REEP2: variants seen among roughly 807,000 people sequenced by gnomAD.
REEP2 encodes the protein receptor accessory protein 2.
A neutral mutation model predicts 32.1 loss-of-function variants in REEP2; 9 were observed. That is an observed-to-expected ratio of 0.28 (90% CI 0.17 to 0.49). The LOEUF (loss-of-function observed/expected upper bound fraction) is 0.49, where lower values mean the gene tolerates loss of function less well. REEP2 is among the 20% of genes least tolerant of loss of function. The pLI is 0.99. For missense variants in REEP2, 236 were observed against 338.0 expected (o/e 0.70, Z 2.37); for synonymous variants, 128 against 139.1 (o/e 0.92, Z 0.56).
chr5:138,442,860 CAA>C (rs71574416), intron 3 of REEP2, among the ~76,000 whole-genome samples: 203 of 119,492 alleles, frequency 1.7e-3, no homozygotes, highest in East Asian at 1.7e-3. Context: ...GATTCTGTCT[CAA>C]AAAAAAAAAA....
intron 3 of REEP2, among the ~76,000 whole-genome samples, chr5:138,442,471 G>A (rs1245855903): frequency 1.3e-5 from 2 of 151,988 alleles, no homozygotes; most frequent in East Asian, 1.9e-4. Context: ...CCAGCACTTT[G>A]GGAGGCCAAG....
rs1763941584 is a variant in REEP2 at position 138,446,707 on chromosome 5, C to CCT, written c.*959_*960dup. Reference sequence around the variant, plus strand: ...AGGCCCCTGCTGAGTGGGCCCCTCTCCTCTGCCCCTGGGGTCCATCCCCTC... The same window carrying CCT: ...AGGCCCCTGCTGAGTGGGCCCCTCTCCTCTCTGCCCCTGGGGTCCATCCCCTC... On this transcript the variant is annotated 3_prime_UTR_variant, in exon 8 of 8. Transcript: ENST00000378339. 6.5e-6 allele frequency: 1 copy of CCT among 152,684 alleles called. No individual in the cohort carries two copies. The highest frequency in any genetic ancestry group is 2.1e-4 in the South Asian group (1 of 4,840). 9.5% of individuals were successfully genotyped at this position (152,684 alleles called of 1,614,324 possible).
In REEP2 at chr5:138,445,999, GTGGGGACTGCTCGGCCTCCACCGC is replaced by G. The variant is rs1763924685; in HGVS notation, c.*251_*274del. On this transcript the variant is annotated 3_prime_UTR_variant, in exon 8 of 8. Transcript: ENST00000378339. Reference sequence around the variant, plus strand: ...GCTGAGGACTGAGCCACCCAAGGAGGTGGGGACTGCTCGGCCTCCACCGCTGTTCCGCTGCAGCCCCGCCCTGCC... The same window carrying G: ...GCTGAGGACTGAGCCACCCAAGGAGGTGTTCCGCTGCAGCCCCGCCCTGCC... The G allele has an allele frequency of 5.6e-6, 3 of 536,044 alleles. No individual in the cohort carries two copies. The highest frequency in any genetic ancestry group is 6.9e-5 in the Admixed American group (2 of 28,972). The allele number at this position is 536,044 out of a possible 1,614,324, so 33.2% of individuals were successfully genotyped here. A position where few individuals can be genotyped will look rare whatever the true frequency, so the allele number is the denominator to read the frequency against.
Position 138,446,103 on chromosome 5 carries a change from G to A in REEP2, c.*352G>A, listed in dbSNP as rs4835795. The A allele has an allele frequency of 0.97, 248,710 of 255,636 alleles. 121,368 individuals carry two copies. Among genetic ancestry groups the A allele is most frequent in the East Asian group, 1 (12,004 of 12,004 alleles). 15.8% of individuals were successfully genotyped at this position (255,636 alleles called of 1,614,324 possible). A position where few individuals can be genotyped will look rare whatever the true frequency, so the allele number is the denominator to read the frequency against. On this transcript the variant is annotated 3_prime_UTR_variant, in exon 8 of 8. Coordinates refer to ENST00000378339, the MANE Select transcript of REEP2 (RefSeq NM_001271803.2). ...TAGCAATCCGCTTCTCAGAGGTCCTGTCGTGTTTCCACTGCTCGCCTTGGT... is the reference window on the plus strand; with the variant it reads ...TAGCAATCCGCTTCTCAGAGGTCCTATCGTGTTTCCACTGCTCGCCTTGGT...
At chr5:138,443,204 A>G (rs565545541) in intron 3 of REEP2, among the ~76,000 whole-genome samples, 23 of 152,220 alleles carry the variant, frequency 1.5e-4, no homozygotes, top group African/African-American at 5.3e-4. Context: ...TCATGCCCAT[A>G]ATCACAGCAC....
rs1300540872 is a variant in REEP2, at chr5:138,446,371, A to T, written c.*620A>T. 6.5e-6 allele frequency: 1 copy of T among 153,048 alleles called. No homozygotes were observed. Among genetic ancestry groups the T allele is most frequent in the Admixed American group, 6.5e-5 (1 of 15,356 alleles). 9.5% of individuals were successfully genotyped at this position (153,048 alleles called of 1,614,324 possible). On this transcript the variant is annotated 3_prime_UTR_variant, in exon 8 of 8. Transcript: ENST00000378339. ...GCTGAGTGCCACATGTTCCCACATT[A>T]AAAAGGGGGGTCCAGGGCTGTGTGA...
chr5:138,439,958 A>G, intron 1 of REEP2: 1 of 360,856 alleles, frequency 2.8e-6, no homozygotes, highest in Non-Finnish European at 5.5e-6. Context: ...CCCGGGCCCC[A>G]GGAGGGAACA....
Position 138,441,247 on chromosome 5 carries a change from C to T in REEP2, c.106-138C>T. ...GCCCTGGGTGTCCCACACAGCGCCT[C>T]CAACATGGCTGGCAGGCAGAAGTGG... On this transcript the variant is annotated intron_variant, in intron 2 of 7. Coordinates refer to ENST00000378339, the MANE Select transcript of REEP2 (RefSeq NM_001271803.2). The surrounding 1 kb of genome is among the most constrained non-coding windows in gnomAD (Gnocchi z 4.4). 7.9e-7 allele frequency: 1 copy of T among 1,264,820 alleles called. No homozygotes were observed. The highest frequency in any genetic ancestry group is 1.1e-6 in the Non-Finnish European group (1 of 873,970). 78.3% of individuals were successfully genotyped at this position (1,264,820 alleles called of 1,614,324 possible).
chr5:138,444,762 C>A lies in REEP2; in HGVS notation c.312C>A (p.Asp104Glu). The change falls in exon 5 of 8, where the codon GAC becomes GAA. Residue 104 changes from aspartate to glutamate, a missense_variant. By Grantham distance (45) the Asp-to-Glu change is conservative (BLOSUM62 2). Transcript: ENST00000378339. ...CCCCTCCAATCCCATAGGAGATCGA[C>A]GAGTACATCACGCAGGCCCGAGACA... ...PTLSNKEKEI[D>E]EYITQARDKS... The A allele has an allele frequency of 6.2e-7, 1 of 1,613,822 alleles. No individual in the cohort carries two copies. The highest frequency in any genetic ancestry group is 8.5e-7 in the Non-Finnish European group (1 of 1,179,752).
chr5:138,440,758 T>C (rs777954827), intron 1 of REEP2, among the ~76,000 whole-genome samples: 1 of 152,150 alleles, frequency 6.6e-6, no homozygotes, highest in African/African-American at 2.4e-5. Context: ...AGGGACTACA[T>C]TGGACCCTCT....
chr5:138,441,372 C>G lies in REEP2; in HGVS notation c.106-13C>G. 1 of 1,613,742 alleles carries G rather than the reference C, an allele frequency of 6.2e-7. No homozygotes were observed. The highest frequency in any genetic ancestry group is 1.1e-5 in the South Asian group (1 of 91,088). ...GCCCCGTGCCCCAGCCAGCGCTTCC[C>G]TCTGTCCCTCAGGTGAAATGGATGA... is the stretch of plus-strand genomic sequence containing the variant. On this transcript the variant is annotated splice_polypyrimidine_tract_variant and intron_variant, in intron 2 of 7. Transcript: ENST00000378339. The surrounding 1 kb of genome is among the most constrained non-coding windows in gnomAD (Gnocchi z 4.4).
In REEP2 at chr5:138,439,082, C is replaced by A. The variant is rs1213691851; in HGVS notation, c.-127C>A. The A allele has an allele frequency of 3.0e-6, 1 of 329,864 alleles. No homozygotes were observed. Among genetic ancestry groups the A allele is most frequent in the Non-Finnish European group, 4.8e-6 (1 of 209,898 alleles). The allele number at this position is 329,864 out of a possible 1,614,324, so 20.4% of individuals were successfully genotyped here. ...GGCGCTGGGCGCTCCGCTGCCCCCG[C>A]GGCGGCTGCTGCAGCGGCTGCTGCT... is the stretch of plus-strand genomic sequence containing the variant. On this transcript the variant is annotated 5_prime_UTR_variant, in exon 1 of 8. Transcript: ENST00000378339.
At chr5:138,439,785 G>A (rs1262582206) in intron 1 of REEP2, 1 of 455,748 alleles carries the variant, frequency 2.2e-6, no homozygotes, top group East Asian at 6.9e-5. Flanking sequence ...AGGAAGTCTG[G>A]GTATCGGGAA....
chr5:138,441,933 AAAAC>A lies in REEP2; in HGVS notation c.182+483_182+486del, dbSNP rs1295090339. On this transcript the variant is annotated intron_variant, in intron 3 of 7. Coordinates refer to ENST00000378339, the MANE Select transcript of REEP2 (RefSeq NM_001271803.2). The surrounding 1 kb of genome is among the most constrained non-coding windows in gnomAD (Gnocchi z 4.4). Reference sequence around the variant, plus strand: ...CAGAGTGAGACTCCGTCTCAAAAAAAAAACAAACAAACAAGGAGTAAGAACAAAC... The same window carrying A: ...CAGAGTGAGACTCCGTCTCAAAAAAAAAACAAACAAGGAGTAAGAACAAAC... Among the ~76,000 whole-genome samples, 34 of 152,286 alleles carry A rather than the reference AAAAC, an allele frequency of 2.2e-4. No individual in the cohort carries two copies. Among genetic ancestry groups the A allele is most frequent in the South Asian group, 6.2e-4 (3 of 4,830 alleles).
Position 138,444,487 on chromosome 5 carries a change from C to T in REEP2, c.255C>T (p.Ser85=), listed in dbSNP as rs373285211. Residue 85 remains serine, a synonymous_variant, in exon 4 of 8, where the codon AGC becomes AGT. Coordinates refer to ENST00000378339, the MANE Select transcript of REEP2 (RefSeq NM_001271803.2). The part of the protein sequence containing the change: ...WLLSPYTKGS[S]VLYRKFVHPT... ...TGTCCCCTTACACCAAGGGCTCCAG[C>T]GTGCTCTACCGCAAGTTCGTGCACC... 76 of 1,614,004 alleles carry T rather than the reference C, an allele frequency of 4.7e-5. No individual in the cohort carries two copies. The Admixed American group carries it at 4.8e-4, about 10-fold the overall frequency.
intron 1 of REEP2, chr5:138,439,749 G>A: frequency 2.2e-6 from 1 of 456,488 alleles, no homozygotes; most frequent in South Asian, 1.5e-5. Flanking sequence ...TGGGGACGAG[G>A]GCATATGCCC....
rs2127027954 is a variant in REEP2 at position 138,446,959 on chromosome 5, C to T, written c.*1208C>T. 2 of 152,368 alleles carry T rather than the reference C, an allele frequency of 1.3e-5. No individual in the cohort carries two copies. Among genetic ancestry groups the T allele is most frequent in the Admixed American group, 1.3e-4 (2 of 15,302 alleles). The allele number at this position is 152,368 out of a possible 1,614,324, so 9.4% of individuals were successfully genotyped here. Reference sequence around the variant, plus strand: ...GATGAGCCAATAAACCAAACTCTGGCACCTCATTTATTTTGGCCTCTGTGC... The same window carrying T: ...GATGAGCCAATAAACCAAACTCTGGTACCTCATTTATTTTGGCCTCTGTGC... On this transcript the variant is annotated 3_prime_UTR_variant, in exon 8 of 8. Coordinates refer to ENST00000378339, the MANE Select transcript of REEP2 (RefSeq NM_001271803.2).
chr5:138,444,908 T>C, intron 5 of REEP2, 41 bp downstream of exon 5: 1 of 1,468,086 alleles, frequency 6.8e-7, no homozygotes, highest in Non-Finnish European at 9.4e-7. Flanking sequence ...GCCCCTACCT[T>C]GTACAAAGGG....
chr5:138,439,391 A>T (rs1044982035), intron 1 of REEP2, 151 bp downstream of exon 1: 1 of 750,436 alleles, frequency 1.3e-6, no homozygotes, highest in African/African-American at 1.8e-5. Flanking sequence ...GAGATGTGGC[A>T]CCCAGGACTG....
Sources: gnomAD v4.1 joint callset for allele counts (sites outside exome capture counted in the v4.1 genomes callset) on GRCh38, gnomAD v4.1.1 for gene constraint, Gnocchi (gnomAD v3.1) non-coding constraint, MANE v1.5 for transcripts, NCBI Gene and HGNC (gene_info 2026-07-23, HGNC 2026-07-21) for gene names.